Variants in GALNT13 observed in about 807,000 individuals in gnomAD.
GALNT13 encodes the protein UDP-GalNAc:polypeptide N-acetylgalactosaminyltransferase 13.
GALNT13 carries 28 observed loss-of-function variants against 64.2 expected under a neutral mutation model. The observed-to-expected ratio is 0.44, with a 90% CI of 0.32 to 0.60. The LOEUF (loss-of-function observed/expected upper bound fraction) is 0.60, where lower values mean the gene tolerates loss of function less well. GALNT13 is among the 20% of genes least tolerant of loss of function. The pLI is 0.05. For missense variants in GALNT13, 577 were observed against 669.8 expected (o/e 0.86, Z 1.53); for synonymous variants, 214 against 224.6 (o/e 0.95, Z 0.42).
At chr2:154,384,545 T>C (rs1051456569) in intron 9 of GALNT13, among the ~76,000 whole-genome samples, 2 of 151,952 alleles carry the variant, frequency 1.3e-5, no homozygotes, top group Non-Finnish European at 2.9e-5. Context: ...CTAGAATTAC[T>C]TTGTCCCTAT....
chr2:153,405,622 GACCAGAAA>G, the GALNT13 span, among the ~76,000 whole-genome samples: 2 of 152,068 alleles, frequency 1.3e-5, no homozygotes, highest in Non-Finnish European at 2.9e-5. Context: ...TACTAAGGGT[GACCAGAAA>G]TGATTTATAG....
the GALNT13 span, among the ~76,000 whole-genome samples, chr2:153,138,808 G>T: frequency 4.6e-5 from 7 of 152,046 alleles, no homozygotes; most frequent in Non-Finnish European, 1.0e-4. Flanking sequence ...CTGGCAAGTG[G>T]TTCTGCTAAA....
At chr2:154,212,589 C>T (rs1178765687) in intron 4 of GALNT13, among the ~76,000 whole-genome samples, 2 of 151,966 alleles carry the variant, frequency 1.3e-5, no homozygotes, top group African/African-American at 4.8e-5. Flanking sequence ...CTCTCTTCCT[C>T]TTGCTTCTTT....
chr2:153,247,034 A>T, the GALNT13 span, among the ~76,000 whole-genome samples: 1 of 152,234 alleles, frequency 6.6e-6, no homozygotes, highest in African/African-American at 2.4e-5. Flanking sequence ...ACCAACAAAG[A>T]TCAAAAAATA....
chr2:154,267,942 T>C (rs943691503), intron 8 of GALNT13, among the ~76,000 whole-genome samples: 1 of 152,138 alleles, frequency 6.6e-6, no homozygotes, highest in Non-Finnish European at 1.5e-5. Context: ...GATTACACTA[T>C]GCATTTATTA....
At chr2:154,370,865 C>T (rs1574180050) in intron 9 of GALNT13, among the ~76,000 whole-genome samples, 1 of 152,124 alleles carries the variant, frequency 6.6e-6, no homozygotes, top group African/African-American at 2.4e-5. Context: ...AAGAAAGTTT[C>T]CATTAAAACA....
intron 1 of GALNT13, among the ~76,000 whole-genome samples, chr2:153,899,570 A>G (rs1688094067): frequency 6.6e-6 from 1 of 152,104 alleles, no homozygotes; most frequent in Admixed American, 6.6e-5. Context: ...TAGCAAAATC[A>G]TTTATTCATG....
the GALNT13 span, among the ~76,000 whole-genome samples, chr2:153,576,398 G>A: frequency 2.6e-5 from 4 of 152,172 alleles, no homozygotes; most frequent in South Asian, 8.3e-4. Flanking sequence ...TTGGTCCTTG[G>A]TGGTAAGGTT....
chr2:153,208,980 T>TGTA, the GALNT13 span, among the ~76,000 whole-genome samples: 1 of 134,702 alleles, frequency 7.4e-6, no homozygotes, highest in East Asian at 2.0e-4. Flanking sequence ...GGTCTTTTTT[T>TGTA]TTTTTTTTTT....
chr2:154,380,463 C>T (rs140934454), intron 9 of GALNT13, among the ~76,000 whole-genome samples: 3,224 of 152,062 alleles, frequency 0.021, 49 homozygotes, highest in Middle Eastern at 0.068. Context: ...AAAAGTTCAA[C>T]TCTTAAAATA....
chr2:153,143,970 G>T, the GALNT13 span, among the ~76,000 whole-genome samples: 36 of 151,946 alleles, frequency 2.4e-4, no homozygotes, highest in Admixed American at 2.2e-3. Context: ...GGCATTCATT[G>T]TCTAAGCACT....
At chr2:153,090,614 G>A in the GALNT13 span, among the ~76,000 whole-genome samples, 2 of 152,180 alleles carry the variant, frequency 1.3e-5, no homozygotes, top group Non-Finnish European at 2.9e-5. Context: ...AGTACGAACT[G>A]CTTTAGTAGT....
At chr2:154,185,135 C>T (rs764967661) in intron 4 of GALNT13, among the ~76,000 whole-genome samples, 11 of 151,988 alleles carry the variant, frequency 7.2e-5, no homozygotes, top group Non-Finnish European at 1.3e-4. Flanking sequence ...TCCTAGTGGG[C>T]AGTTATTTTC....
At chr2:153,447,684 C>T in the GALNT13 span, among the ~76,000 whole-genome samples, 1 of 152,140 alleles carries the variant, frequency 6.6e-6, no homozygotes, top group East Asian at 1.9e-4. Flanking sequence ...CTTATTCAAG[C>T]ATTCTCTTAC....
the GALNT13 span, among the ~76,000 whole-genome samples, chr2:153,163,994 G>C: frequency 6.7e-6 from 1 of 149,880 alleles, no homozygotes; most frequent in Non-Finnish European, 1.5e-5. Flanking sequence ...CTCCAGCCTG[G>C]GCGACCGAGC....
At chr2:154,316,883 T>C (rs553818743) in intron 9 of GALNT13, among the ~76,000 whole-genome samples, 1 of 152,286 alleles carries the variant, frequency 6.6e-6, no homozygotes, top group South Asian at 2.1e-4. Context: ...GCCTATGTTA[T>C]ATAAACAACA....
chr2:153,358,150 A>G, the GALNT13 span, among the ~76,000 whole-genome samples: 1 of 152,216 alleles, frequency 6.6e-6, no homozygotes, highest in Non-Finnish European at 1.5e-5. Flanking sequence ...GCATCTTTGC[A>G]TTTCATCATA....
chr2:153,656,335 TG>T, the GALNT13 span, among the ~76,000 whole-genome samples: 1 of 149,970 alleles, frequency 6.7e-6, no homozygotes, highest in Admixed American at 6.7e-5. Flanking sequence ...TGTGTGTGTG[TG>T]TGTGCGCGCG....
intron 1 of GALNT13, among the ~76,000 whole-genome samples, chr2:153,890,981 C>T (rs570324344): frequency 2.6e-5 from 4 of 152,134 alleles, no homozygotes; most frequent in Non-Finnish European, 4.4e-5. Flanking sequence ...ATGAAGCATT[C>T]ATTGTTGGTA....
Sources: gnomAD v4.1 joint callset for allele counts (sites outside exome capture counted in the v4.1 genomes callset) on GRCh38, gnomAD v4.1.1 for gene constraint, MANE v1.5 for transcripts, NCBI Gene and HGNC (gene_info 2026-07-23, HGNC 2026-07-21) for gene names.